TPST1: variants seen among roughly 807,000 people sequenced by gnomAD.
TPST1 encodes the protein tyrosylprotein sulfotransferase 1.
In TPST1, 20 loss-of-function variants were observed where a neutral mutation model predicts 34.8. The observed-to-expected ratio is 0.57, with a 90% CI of 0.40 to 0.84. The LOEUF (loss-of-function observed/expected upper bound fraction) is 0.84. TPST1 is among the 40% of genes least tolerant of loss of function. The pLI, the probability that TPST1 is intolerant of heterozygous loss-of-function variation, is 0.00. For missense variants in TPST1, 353 were observed against 455.5 expected (o/e 0.78, Z 2.05); for synonymous variants, 152 against 159.4 (o/e 0.95, Z 0.35).
chr7:66,242,973 T>C (rs1252767644), intron 2 of TPST1, among the ~76,000 whole-genome samples: 1 of 152,204 alleles, frequency 6.6e-6, no homozygotes, highest in African/African-American at 2.4e-5. Context: ...CATGTCACAA[T>C]CATGAGTAGA....
intron 2 of TPST1, among the ~76,000 whole-genome samples, chr7:66,273,625 A>G (rs1790746279): frequency 6.6e-6 from 1 of 152,156 alleles, no homozygotes; most frequent in African/African-American, 2.4e-5. Flanking sequence ...ATAAACCCAC[A>G]TATTTATGGT....
intron 1 of TPST1, among the ~76,000 whole-genome samples, chr7:66,226,551 A>G (rs1789659587): frequency 6.6e-6 from 1 of 152,228 alleles, no homozygotes; most frequent in South Asian, 2.1e-4. Flanking sequence ...GGAGAAGCCA[A>G]AATCCCTTTG....
chr7:66,310,876 A>T (rs1791517464), intron 3 of TPST1, among the ~76,000 whole-genome samples: 1 of 151,932 alleles, frequency 6.6e-6, no homozygotes, highest in Non-Finnish European at 1.5e-5. Flanking sequence ...AGTGCTCTGG[A>T]ATGCAGTGGC....
At chr7:66,237,202 C>T (rs144818498) in intron 1 of TPST1, among the ~76,000 whole-genome samples, 12 of 152,344 alleles carry the variant, frequency 7.9e-5, no homozygotes, top group Middle Eastern at 3.4e-3. Flanking sequence ...CCACTCCAAA[C>T]TCAGTGAACT....
intron 4 of TPST1, among the ~76,000 whole-genome samples, chr7:66,354,935 A>G (rs535331868): frequency 2.0e-5 from 3 of 151,890 alleles, no homozygotes; most frequent in East Asian, 3.9e-4. Flanking sequence ...TGAAGCTGCA[A>G]TGAGCCGAGA....
At chr7:66,219,429 C>T (rs1264718201) in intron 1 of TPST1, among the ~76,000 whole-genome samples, 1 of 152,194 alleles carries the variant, frequency 6.6e-6, no homozygotes, top group Non-Finnish European at 1.5e-5. Context: ...TCTGTTATTT[C>T]TTGAGTCCAA....
chr7:66,254,017 A>AAAAG (rs978688330), intron 2 of TPST1, among the ~76,000 whole-genome samples: 2 of 151,392 alleles, frequency 1.3e-5, no homozygotes, highest in East Asian at 3.9e-4. Flanking sequence ...AAAAAAAAAA[A>AAAAG]AAAGAAAGAA....
intron 5 of TPST1, among the ~76,000 whole-genome samples, chr7:66,357,331 C>A (rs1792601436): frequency 6.6e-6 from 1 of 152,166 alleles, no homozygotes; most frequent in Admixed American, 6.5e-5. Context: ...ACCTGTTCAG[C>A]CAGGGCCCCA....
At chr7:66,204,879 G>C (rs528822961), upstream of TPST1, among the ~76,000 whole-genome samples, 22 of 152,362 alleles carry the variant, frequency 1.4e-4, no homozygotes, top group Middle Eastern at 6.8e-3. Flanking sequence ...CCAGCAGCGG[G>C]CAAAGGTGGG....
chr7:66,293,591 C>T lies in TPST1; in HGVS notation c.1044+6882C>T, dbSNP rs181626757. On this transcript the variant is annotated intron_variant, in intron 3 of 5. Transcript: ENST00000304842. ...CACTGCATTTTAAGGATAACTGGCT[C>T]GTTGGGGATAGTTCTTAGGGTATTT... Among the ~76,000 whole-genome samples the T allele has an allele frequency of 5.4e-3, 819 of 152,254 alleles. 6 individuals are homozygous for T. Among genetic ancestry groups the T allele is most frequent in the Non-Finnish European group, 7.4e-3 (505 of 68,012 alleles).
chr7:66,202,848 C>G (rs931913335), upstream of TPST1, among the ~76,000 whole-genome samples: 2 of 152,054 alleles, frequency 1.3e-5, no homozygotes, highest in Non-Finnish European at 2.9e-5. Context: ...TGGAGCCGGG[C>G]AGATCATCTG....
chr7:66,265,203 A>G (rs1790566156), intron 2 of TPST1, among the ~76,000 whole-genome samples: 1 of 152,194 alleles, frequency 6.6e-6, no homozygotes, highest in African/African-American at 2.4e-5. Flanking sequence ...ACCAACATAC[A>G]CATGACAGGA....
intron 3 of TPST1, among the ~76,000 whole-genome samples, chr7:66,312,732 A>T (rs1791555917): frequency 6.6e-6 from 1 of 152,226 alleles, no homozygotes; most frequent in South Asian, 2.1e-4. Context: ...ACACTACGAA[A>T]AATCAAATTA....
intron 1 of TPST1, among the ~76,000 whole-genome samples, chr7:66,214,905 TA>T (rs978205446): frequency 1.0e-3 from 149 of 147,520 alleles, no homozygotes; most frequent in African/African-American, 3.5e-3. Context: ...TTTTATTGGT[TA>T]AAATATATAT....
intron 1 of TPST1, among the ~76,000 whole-genome samples, chr7:66,218,955 A>G (rs1789482811): frequency 6.6e-6 from 1 of 151,796 alleles, no homozygotes; most frequent in South Asian, 2.1e-4. Flanking sequence ...ATCTCAGCTC[A>G]CAGCAACCTC....
At chr7:66,337,279 G>A (rs1482411138) in intron 3 of TPST1, among the ~76,000 whole-genome samples, 3 of 143,914 alleles carry the variant, frequency 2.1e-5, no homozygotes, top group Non-Finnish European at 3.1e-5. Context: ...TATATTTTAA[G>A]TATGAAGACT....
Position 66,219,047 on chromosome 7 carries a change from ATTTTTT to A in TPST1, c.-102+13541_-102+13546del, listed in dbSNP as rs376698635. Among the ~76,000 whole-genome samples the A allele has an allele frequency of 2.7e-3, 297 of 108,906 alleles. 2 individuals carry two copies. Among genetic ancestry groups the A allele is most frequent in the African/African-American group, 0.01 (285 of 28,190 alleles). The allele number at this position is 108,906 out of a possible 152,430, so 71.4% of individuals were successfully genotyped here. Reference sequence around the variant, plus strand: ...AGGCATGTACCACCACGCCTGGCTAATTTTTTTTTTTTTTTTTTTTTGGTATTTTTA... The same window carrying A: ...AGGCATGTACCACCACGCCTGGCTAATTTTTTTTTTTTTTTGGTATTTTTA... On this transcript the variant is annotated intron_variant, in intron 1 of 5. Coordinates refer to ENST00000304842, the MANE Select transcript of TPST1 (RefSeq NM_003596.4).
intron 3 of TPST1, among the ~76,000 whole-genome samples, chr7:66,307,275 G>A (rs369927774): frequency 2.0e-5 from 3 of 151,892 alleles, no homozygotes; most frequent in East Asian, 2.0e-4. Flanking sequence ...CTGCCACCAC[G>A]CCCGGCTAGT....
chr7:66,328,933 A>G (rs1189211379), intron 3 of TPST1, among the ~76,000 whole-genome samples: 13 of 29,004 alleles, frequency 4.5e-4, no homozygotes, highest in African/African-American at 3.4e-3. Context: ...TTTTTTTGAG[A>G]CAGGGTCTCA....
Sources: gnomAD v4.1 joint callset for allele counts (sites outside exome capture counted in the v4.1 genomes callset) on GRCh38, gnomAD v4.1.1 for gene constraint, MANE v1.5 for transcripts, NCBI Gene and HGNC (gene_info 2026-07-23, HGNC 2026-07-21) for gene names.